YARS2: variants seen among roughly 807,000 people sequenced by gnomAD.
The protein encoded by YARS2 is tyrosine--tRNA ligase, mitochondrial.
In YARS2, 38 loss-of-function variants were observed where a neutral mutation model predicts 45.0. That is an observed-to-expected ratio of 0.84 (90% CI 0.65 to 1.11). The LOEUF is 1.11. YARS2 is among the 50% of genes least tolerant of loss of function. The pLI, the probability that YARS2 is intolerant of heterozygous loss-of-function variation, is 0.00. For synonymous variants in YARS2, 287 were observed against 245.1 expected (o/e 1.17, Z -1.60); for missense variants, 602 against 599.8 (o/e 1.00, Z -0.04).
Position 32,755,551 on chromosome 12 carries a change from C to T in YARS2, c.324G>A (p.Val108=). 1 of 1,613,690 alleles carries T rather than the reference C, an allele frequency of 6.2e-7. No homozygotes were observed. Among genetic ancestry groups the T allele is most frequent in the Non-Finnish European group, 8.5e-7 (1 of 1,179,860 alleles). The change falls in exon 1 of 5, where the codon GTG becomes GTA. Residue 108 remains valine, a synonymous_variant. Coordinates refer to ENST00000324868, the MANE Select transcript of YARS2 (RefSeq NM_001040436.3). ...LFHLQRAGHN[V]IALVGGATAR... ...CCGTGGCGCCTCCCACCAGCGCGATCACGTTGTGGCCCGCTCGCTGCAAAT... is the reference window on the plus strand; with the variant it reads ...CCGTGGCGCCTCCCACCAGCGCGATTACGTTGTGGCCCGCTCGCTGCAAAT...
In YARS2 at chr12:32,754,070, ATCT is replaced by A. The variant is rs1955799198; in HGVS notation, c.792_794del (p.Glu264del). 4 of 1,614,096 alleles carry A rather than the reference ATCT, an allele frequency of 2.5e-6. No homozygotes were observed. Among genetic ancestry groups the A allele is most frequent in the Non-Finnish European group, 3.4e-6 (4 of 1,180,054 alleles). ...TTAGAGGAACGGTGATTCCAAATAC[ATCT>A]TCTCCAGTCAACCTACGCATAAAGA... On this transcript the variant is annotated inframe_deletion, in exon 2 of 5. Transcript: ENST00000324868.
intron 4 of YARS2, 99 bp from the exon 5 acceptor site, chr12:32,747,462 T>A: frequency 7.8e-7 from 1 of 1,274,330 alleles, no homozygotes; most frequent in Non-Finnish European, 1.1e-6. Context: ...GCTCTCCAAT[T>A]GAGAAGATTT....
chr12:32,751,496 T>C (rs149779679), intron 2 of YARS2, among the ~76,000 whole-genome samples: 1 of 152,180 alleles, frequency 6.6e-6, no homozygotes, highest in Non-Finnish European at 1.5e-5. Context: ...AAGCATGTTT[T>C]TATACTTTCA....
At chr12:32,749,802 C>A in intron 4 of YARS2, 135 bp downstream of exon 4, 1 of 989,438 alleles carries the variant, frequency 1.0e-6, no homozygotes, top group East Asian at 2.5e-5. Context: ...TGGTCTCGAT[C>A]TCCTGACCTC....
Position 32,754,002 on chromosome 12 carries a change from T to C in YARS2, c.863A>G (p.Asn288Ser). 1 of 1,614,192 alleles carries C rather than the reference T, an allele frequency of 6.2e-7. No homozygotes were observed. Among genetic ancestry groups the C allele is most frequent in the Non-Finnish European group, 8.5e-7 (1 of 1,180,036 alleles). ...CTTATCTCTGTTTAGCCAAACAGCG[T>C]TGCCAGCAGACTTTCCCAGCTTTGC... Reference protein sequence around the residue: ...TGAKLGKSAGNAVWLNRDKTS... With the variant: ...TGAKLGKSAGSAVWLNRDKTS... Residue 288 changes from asparagine (N) to serine (S), a missense_variant, in exon 2 of 5, where the codon AAC becomes AGC. Coordinates refer to ENST00000324868, the MANE Select transcript of YARS2 (RefSeq NM_001040436.3).
chr12:32,754,565 G>A (rs915742310), intron 1 of YARS2, among the ~76,000 whole-genome samples: 11 of 152,144 alleles, frequency 7.2e-5, no homozygotes, highest in Admixed American at 5.9e-4. Flanking sequence ...TTTCATGGAG[G>A]GTGCAGAGCT....
rs747078667 is a variant in YARS2, at chr12:32,755,450, C to G, written c.425G>C (p.Arg142Pro). The change falls in exon 1 of 5, where the codon CGA becomes CCA. Residue 142 changes from arginine (R) to proline (P), a missense_variant. Arg to Pro is a moderately radical substitution (Grantham distance 103). Coordinates refer to ENST00000324868, the MANE Select transcript of YARS2 (RefSeq NM_001040436.3). ...GGCCTCAAGCCCTAGGCGCAGAGCT[C>G]GCGCGTTGGCTCGCACGCGCTCTGT... The part of the protein sequence containing the change: ...LETERVRANA[R>P]ALRLGLEALA... The G allele has an allele frequency of 3.1e-6, 5 of 1,612,776 alleles. No individual in the cohort carries two copies. The African/African-American group carries it at 5.3e-5, about 17-fold the overall frequency.
rs1026565163 is a variant in YARS2 at position 32,755,391 on chromosome 12, C to T, written c.484G>A (p.Gly162Arg). The T allele has an allele frequency of 6.2e-7, 1 of 1,613,776 alleles. No individual in the cohort carries two copies. Among genetic ancestry groups the T allele is most frequent in the Non-Finnish European group, 8.5e-7 (1 of 1,180,048 alleles). Residue 162 changes from glycine to arginine, a missense_variant, in exon 1 of 5, where the codon GGG becomes AGG. Gly to Arg is a moderately radical substitution (Grantham distance 125). Coordinates refer to ENST00000324868, the MANE Select transcript of YARS2 (RefSeq NM_001040436.3). ...ACAGTGAAGCTGCCCCAGGAGCGCC[C>T]ATCAGTGAAAAGCTGCTGGTGATTA... ...AANHQQLFTD[G>R]RSWGSFTVLD... is the part of the protein sequence containing the mutation.
At chr12:32,751,071 CT>C (rs57698169) in intron 2 of YARS2, among the ~76,000 whole-genome samples, 197 bp from the exon 3 acceptor site, 286 of 141,444 alleles carry the variant, frequency 2.0e-3, no homozygotes, top group Admixed American at 2.4e-3. Flanking sequence ...TTTTCAATTT[CT>C]TTTTTTTTTT....
At chr12:32,750,333 C>G (rs899943596) in intron 3 of YARS2, among the ~76,000 whole-genome samples, 3 of 152,084 alleles carry the variant, frequency 2.0e-5, no homozygotes, top group Admixed American at 6.5e-5. Flanking sequence ...TCCTGAGTAG[C>G]TGGGATTACA....
intron 4 of YARS2, among the ~76,000 whole-genome samples, chr12:32,748,730 T>G (rs1400559372): frequency 1.3e-5 from 2 of 152,172 alleles, no homozygotes; most frequent in African/African-American, 4.8e-5. Context: ...AGGGAGACAA[T>G]GGGTGCTTTT....
At position 32,755,110 on chromosome 12, in the gene YARS2, A is replaced by G; in HGVS notation, c.765T>C (p.Tyr255=). ...AAGGCACTTACTTGTTGATGAACTC[A>G]TATCCGGACATGATGTTGCCTAGTT... The part of the protein sequence containing the change: ...SDQLGNIMSG[Y]EFINKLTGED... Residue 255 remains tyrosine, a synonymous_variant, in exon 1 of 5, where the codon TAT becomes TAC. Transcript: ENST00000324868. 6.2e-7 allele frequency: 1 copy of G among 1,614,204 alleles called. No individual in the cohort carries two copies.
chr12:32,751,242 T>TG (rs1022221006), intron 2 of YARS2, among the ~76,000 whole-genome samples: 8 of 151,764 alleles, frequency 5.3e-5, no homozygotes, highest in African/African-American at 1.9e-4. Flanking sequence ...AATTTTTATA[T>TG]TTTTTTTGTA....
In YARS2 at chr12:32,755,579, A is replaced by C. The variant is rs1248054871; in HGVS notation, c.296T>G (p.Phe99Cys). 6.2e-7 allele frequency: 1 copy of C among 1,613,864 alleles called. No homozygotes were observed. Among genetic ancestry groups the C allele is most frequent in the East Asian group, 2.2e-5 (1 of 44,864 alleles). ...VGHLLALLGL[F>C]HLQRAGHNVI... ...GTTGTGGCCCGCTCGCTGCAAATGA[A>C]ACAGGCCCAGCAGCGCAAGTAGATG... Residue 99 changes from phenylalanine to cysteine, a missense_variant, in exon 1 of 5, where the codon TTT (phenylalanine) becomes TGT (cysteine). Coordinates refer to ENST00000324868, the MANE Select transcript of YARS2 (RefSeq NM_001040436.3).
In YARS2 at chr12:32,755,568, G is replaced by A. The variant is rs1955832878; in HGVS notation, c.307C>T (p.Arg103Ter). 1.9e-5 allele frequency: 30 copies of A among 1,613,774 alleles called. No individual in the cohort carries two copies. Among genetic ancestry groups the A allele is most frequent in the Non-Finnish European group, 2.5e-5 (29 of 1,179,896 alleles). The change falls in exon 1 of 5, where the codon CGA (arginine) becomes TGA (stop). Residue 103 changes from arginine to a stop codon, truncating the protein, a stop_gained. Coordinates refer to ENST00000324868, the MANE Select transcript of YARS2 (RefSeq NM_001040436.3). LOFTEE classifies it high-confidence loss of function. ...AGCGCGATCACGTTGTGGCCCGCTC[G>A]CTGCAAATGAAACAGGCCCAGCAGC... is the stretch of plus-strand genomic sequence containing the variant. The part of the protein sequence containing the change: ...LALLGLFHLQ[R>*]AGHNVIALVG...
rs765595574 is a variant in YARS2, at chr12:32,753,909, A to G, written c.947+9T>C. 1.2e-6 allele frequency: 2 copies of G among 1,614,188 alleles called. No individual in the cohort carries two copies. Among genetic ancestry groups the G allele is most frequent in the Admixed American group, 3.3e-5 (2 of 60,036 alleles). ...GTCAGTTTTTCTCAGCCCATTATTC[A>G]GAACTCACCTTTCCACTGAATCGTC... On this transcript the variant is annotated intron_variant, in intron 2 of 4. Transcript: ENST00000324868.
At chr12:32,750,220 G>T in intron 3 of YARS2, 113 bp from the exon 4 acceptor site, 1 of 1,266,252 alleles carries the variant, frequency 7.9e-7, no homozygotes, top group Non-Finnish European at 1.1e-6. Flanking sequence ...GTTTTTTTTT[G>T]AGATGGAGTC....
Position 32,755,863 on chromosome 12 carries a change from G to T in YARS2, c.12C>A (p.Pro4=), listed in dbSNP as rs1287860227. The T allele has an allele frequency of 6.2e-7, 1 of 1,613,190 alleles. No homozygotes were observed. MAA[P]ILRSFSWGRW... ...GGCCCCAGGAAAAGGACCGCAAGAT[G>T]GGCGCCGCCATCTTGGTAGCGGCAC... Residue 4 remains proline (P), a synonymous_variant, in exon 1 of 5, where the codon CCC becomes CCA. Coordinates refer to ENST00000324868, the MANE Select transcript of YARS2 (RefSeq NM_001040436.3).
At chr12:32,751,070 T>TC (rs1253061327) in intron 2 of YARS2, among the ~76,000 whole-genome samples, 196 bp from the exon 3 acceptor site, 1 of 144,142 alleles carries the variant, frequency 6.9e-6, no homozygotes, top group Non-Finnish European at 1.5e-5. Flanking sequence ...GTTTTCAATT[T>TC]CTTTTTTTTT....
Sources: allele counts gnomAD v4.1 joint callset (sites outside exome capture counted in the v4.1 genomes callset), GRCh38; gene constraint gnomAD v4.1.1; transcripts MANE v1.5; gene names NCBI Gene and HGNC (gene_info 2026-07-23, HGNC 2026-07-21).